MACROD2: variants seen among roughly 807,000 people sequenced by gnomAD.
The protein encoded by MACROD2 is mono-ADP ribosylhydrolase 2.
Under a neutral mutation model 70.4 loss-of-function variants are expected in MACROD2, and 36 were observed. That is an observed-to-expected ratio of 0.51 (90% confidence interval 0.39 to 0.68). The LOEUF is 0.68. Among genes scored for constraint, MACROD2 ranks in the 30% least tolerant of loss-of-function variants. The probability of loss-of-function intolerance (pLI) is 0.00; values close to 1 mark genes in which losing one functional copy is unlikely to be tolerated. For synonymous variants in MACROD2, 172 were observed against 178.8 expected (o/e 0.96, Z 0.30); for missense variants, 496 against 538.4 (o/e 0.92, Z 0.78).
chr20:14,173,000 G>A (rs2081235714), intron 3 of MACROD2, among the ~76,000 whole-genome samples: 2 of 152,156 alleles, frequency 1.3e-5, no homozygotes, highest in South Asian at 4.1e-4. Flanking sequence ...AGGGTTTCTG[G>A]TGGGAAATCT....
intron 5 of MACROD2, among the ~76,000 whole-genome samples, chr20:14,758,223 A>G (rs775405858): frequency 6.6e-6 from 1 of 152,128 alleles, no homozygotes; most frequent in Middle Eastern, 3.2e-3. Context: ...TTGTTTAACC[A>G]GAAGATCACT....
intron 8 of MACROD2, among the ~76,000 whole-genome samples, chr20:15,651,955 G>A (rs2049651596): frequency 6.6e-6 from 1 of 152,198 alleles, no homozygotes; most frequent in Admixed American, 6.6e-5. Flanking sequence ...AACCAGGGTT[G>A]TAATGGTGGA....
chr20:15,663,722 G>T (rs1016986818), intron 8 of MACROD2, among the ~76,000 whole-genome samples: 2 of 152,048 alleles, frequency 1.3e-5, no homozygotes, highest in Non-Finnish European at 2.9e-5. Context: ...CTAAACAAAG[G>T]CATATCTTAT....
Position 15,754,348 on chromosome 20 carries a change from C to T in MACROD2, c.646-108397C>T, listed in dbSNP as rs189553527. On this transcript the variant is annotated intron_variant, in intron 8 of 17. Transcript: ENST00000684519. ...CATAAAGAGCTTAGTCTAGGCCAAGCGCGGTGGCTCACGCCCGTAATCTCA... is the reference window on the plus strand; with the variant it reads ...CATAAAGAGCTTAGTCTAGGCCAAGTGCGGTGGCTCACGCCCGTAATCTCA... 2.4e-3 allele frequency among the ~76,000 whole-genome samples: 359 copies of T among 152,270 alleles called. 3 individuals are homozygous for T. The highest frequency in any genetic ancestry group is 8.1e-3 in the African/African-American group (337 of 41,550).
At chr20:14,653,718 C>T (rs1985813917) in intron 4 of MACROD2, among the ~76,000 whole-genome samples, 1 of 152,128 alleles carries the variant, frequency 6.6e-6, no homozygotes, top group African/African-American at 2.4e-5. Flanking sequence ...CTCATTTGTA[C>T]ACCTCAGGTG....
chr20:15,046,285 A>G (rs921485853), intron 5 of MACROD2, among the ~76,000 whole-genome samples: 5 of 152,312 alleles, frequency 3.3e-5, no homozygotes, highest in East Asian at 1.9e-4. Flanking sequence ...ACCTTCCCAC[A>G]TGATGACTTC....
chr20:15,382,700 A>G (rs2045660240), intron 6 of MACROD2, among the ~76,000 whole-genome samples: 1 of 151,934 alleles, frequency 6.6e-6, no homozygotes, highest in Non-Finnish European at 1.5e-5. Flanking sequence ...AAATGGGTGG[A>G]TCTGAAGAAA....
chr20:15,355,276 G>A (rs530885173), intron 6 of MACROD2, among the ~76,000 whole-genome samples: 1 of 152,214 alleles, frequency 6.6e-6, no homozygotes, highest in Non-Finnish European at 1.5e-5. Context: ...TATAAATATC[G>A]AGGTTCCCAC....
chr20:14,549,648 A>G (rs1478575772), intron 4 of MACROD2, among the ~76,000 whole-genome samples: 10 of 152,088 alleles, frequency 6.6e-5, no homozygotes, highest in Non-Finnish European at 1.5e-4. Context: ...CCCTCTGCCC[A>G]ATCCATGATA....
chr20:14,644,225 T>C (rs1276292802), intron 4 of MACROD2, among the ~76,000 whole-genome samples: 2 of 152,196 alleles, frequency 1.3e-5, no homozygotes, highest in Non-Finnish European at 2.9e-5. Flanking sequence ...GGCAAGGGCT[T>C]TCTTCTCATG....
Position 15,729,831 on chromosome 20 carries a change from C to CTTTTTT in MACROD2, c.646-132904_646-132899dup, listed in dbSNP as rs61542762. 6.2e-5 allele frequency among the ~76,000 whole-genome samples: 4 copies of CTTTTTT among 64,772 alleles called. 1 individual carries two copies. The highest frequency in any genetic ancestry group is 1.3e-4 in the African/African-American group (2 of 16,000). 42.5% of individuals were successfully genotyped at this position (64,772 alleles called of 152,430 possible). A position where few individuals can be genotyped will look rare whatever the true frequency, so the allele number is the denominator to read the frequency against. On this transcript the variant is annotated intron_variant, in intron 8 of 17. Coordinates refer to ENST00000684519, the MANE Select transcript of MACROD2 (RefSeq NM_001351661.2). ...GAACACAGCATGCAGTTGGGTCATG[C>CTTTTTT]TTTTTTTTTTTTTTTGGATGGAGTT...
chr20:15,949,537 C>A (rs931416633), intron 12 of MACROD2, among the ~76,000 whole-genome samples: 1 of 152,134 alleles, frequency 6.6e-6, no homozygotes, highest in African/African-American at 2.4e-5. Context: ...GAAAAGCAAC[C>A]AGAGTAAACT....
intron 8 of MACROD2, among the ~76,000 whole-genome samples, chr20:15,626,863 C>A (rs544891411): frequency 2.0e-5 from 3 of 151,392 alleles, no homozygotes; most frequent in African/African-American, 7.3e-5. Flanking sequence ...CCCCACCCCC[C>A]CAAAAAAAAA....
intron 5 of MACROD2, among the ~76,000 whole-genome samples, chr20:14,719,461 G>T (rs2123680387): frequency 8.4e-6 from 1 of 118,420 alleles, no homozygotes; most frequent in East Asian, 2.3e-4. Flanking sequence ...TCAGGAATAG[G>T]CAAGATAGAA....
At position 13,995,852 on chromosome 20, in the gene MACROD2, T is replaced by TTGGGGGGGGGGGGGGGGGG; in HGVS notation, c.46+43_46+44insTGGGGGGGGGGGGGGGGGG. On this transcript the variant is annotated intron_variant, in intron 1 of 17. Transcript: ENST00000684519. The surrounding 1 kb of genome is among the most constrained non-coding windows in gnomAD (Gnocchi z 4.3). ...TCCTGGGGGTGCGGGCGGTGGGGGT[T>TTGGGGGGGGGGGGGGGGGG]AGGGTGGGGGCGGGGGTCAGGCTGT... 1 of 782,420 alleles carries TTGGGGGGGGGGGGGGGGGG rather than the reference T, an allele frequency of 1.3e-6. No homozygotes were observed. The highest frequency in any genetic ancestry group is 2.0e-6 in the Non-Finnish European group (1 of 496,724). 48.5% of individuals were successfully genotyped at this position (782,420 alleles called of 1,614,324 possible).
At chr20:14,493,453 C>A (rs1308579170) in intron 3 of MACROD2, 26 bp from the exon 4 acceptor site, 6 of 1,597,016 alleles carry the variant, frequency 3.8e-6, no homozygotes, top group African/African-American at 2.7e-5. Context: ...TATTTAATGT[C>A]TTTTGTTGTG....
chr20:14,128,166 T>C, intron 3 of MACROD2: 1 of 438,596 alleles, frequency 2.3e-6, no homozygotes, highest in Non-Finnish European at 4.4e-6. Context: ...CTTTTGATGC[T>C]TTCCCTGGAG....
intron 8 of MACROD2, among the ~76,000 whole-genome samples, chr20:15,630,068 A>G (rs1047941739): frequency 2.6e-5 from 4 of 152,206 alleles, no homozygotes; most frequent in African/African-American, 9.7e-5. Context: ...TGTCCAGCCC[A>G]TAGTGCTTCC....
chr20:15,737,860 A>G (rs1393496965), intron 8 of MACROD2, among the ~76,000 whole-genome samples: 2 of 19,054 alleles, frequency 1.0e-4, no homozygotes, highest in Admixed American at 7.9e-4. Context: ...AAATAAATCA[A>G]TGGATGGATG....
Sources: gnomAD v4.1 joint callset for allele counts (sites outside exome capture counted in the v4.1 genomes callset) on GRCh38, gnomAD v4.1.1 for gene constraint, Gnocchi (gnomAD v3.1) non-coding constraint, MANE v1.5 for transcripts, NCBI Gene and HGNC (gene_info 2026-07-23, HGNC 2026-07-21) for gene names.